Variants in DIXDC1 observed in about 807,000 individuals in gnomAD.
The protein encoded by DIXDC1 is dixin.
In DIXDC1, 64 loss-of-function variants were observed where a neutral mutation model predicts 103.1. The observed-to-expected ratio is 0.62, with a 90% CI of 0.51 to 0.76. The LOEUF (loss-of-function observed/expected upper bound fraction) is 0.76, where lower values mean the gene tolerates loss of function less well. DIXDC1 is among the 30% of genes least tolerant of loss of function. DIXDC1 has a pLI of 0.00. For missense variants in DIXDC1, 759 were observed against 834.2 expected, an observed-to-expected ratio of 0.91 and a Z score of 1.11; for synonymous variants, 266 against 298.5, an observed-to-expected ratio of 0.89 and a Z score of 1.12.
chr11:111,949,904 C>T (rs587701026), intron 1 of DIXDC1, among the ~76,000 whole-genome samples: 3 of 152,290 alleles, frequency 2.0e-5, no homozygotes, highest in African/African-American at 7.2e-5. Context: ...GTTGCTCCTT[C>T]TCTGCATAAA....
chr11:111,929,777 TGGC>T, intron 1 of DIXDC1: 1 of 1,340,626 alleles, frequency 7.5e-7, no homozygotes. Flanking sequence ...TTTTTTTTCC[TGGC>T]TTGTTATTTT....
intron 17 of DIXDC1, among the ~76,000 whole-genome samples, chr11:111,999,749 CA>C (rs587774873): frequency 6.8e-4 from 104 of 152,026 alleles, no homozygotes; most frequent in African/African-American, 2.4e-3. Context: ...CCTGTAATCC[CA>C]GCTACTTGGG....
At chr11:111,965,740 T>C (rs1413214396) in intron 2 of DIXDC1, among the ~76,000 whole-genome samples, 4 of 152,234 alleles carry the variant, frequency 2.6e-5, no homozygotes, top group African/African-American at 9.6e-5. Flanking sequence ...AAATAGTACT[T>C]AGTATGAGTC....
intron 3 of DIXDC1, among the ~76,000 whole-genome samples, chr11:111,970,359 C>T (rs1592578612): frequency 6.6e-6 from 1 of 152,154 alleles, no homozygotes; most frequent in Non-Finnish European, 1.5e-5. Flanking sequence ...CTGGCCAAAT[C>T]AGTTGCATTT....
chr11:111,966,395 G>GTTTTT (rs1859733761), intron 2 of DIXDC1, among the ~76,000 whole-genome samples: 2 of 89,914 alleles, frequency 2.2e-5, no homozygotes, highest in African/African-American at 1.4e-4. Flanking sequence ...GCTAATTTTT[G>GTTTTT]TATTTTTTTT....
chr11:111,969,683 T>G (rs1016160722), intron 3 of DIXDC1, among the ~76,000 whole-genome samples: 13 of 152,288 alleles, frequency 8.5e-5, no homozygotes, highest in Non-Finnish European at 1.9e-4. Context: ...AGTTCCTGGG[T>G]CTGATTGCCT....
chr11:111,933,921 G>A (rs1417432817), upstream of DIXDC1, among the ~76,000 whole-genome samples: 1 of 152,106 alleles, frequency 6.6e-6, no homozygotes, highest in Non-Finnish European at 1.5e-5. Context: ...TTATTTTAAG[G>A]CTCAAAGTCT....
At chr11:111,929,014 A>T (rs1487657549) in intron 1 of DIXDC1, among the ~76,000 whole-genome samples, 4 of 151,874 alleles carry the variant, frequency 2.6e-5, no homozygotes, top group Non-Finnish European at 5.9e-5. Flanking sequence ...CATCTCTACT[A>T]AAAAAGTACC....
At chr11:111,989,357 G>A (rs1451471907) in intron 10 of DIXDC1, among the ~76,000 whole-genome samples, 1 of 152,154 alleles carries the variant, frequency 6.6e-6, no homozygotes, top group Non-Finnish European at 1.5e-5. Context: ...GGGCGCGGTG[G>A]CTCACGCCTG....
At chr11:111,927,949 G>A (rs1474305926) in intron 1 of DIXDC1, among the ~76,000 whole-genome samples, 5 of 148,558 alleles carry the variant, frequency 3.4e-5, no homozygotes, top group Non-Finnish European at 7.4e-5. Flanking sequence ...CCGGGAGGCG[G>A]AGGTTGCAGT....
intron 1 of DIXDC1, among the ~76,000 whole-genome samples, chr11:111,929,089 G>T (rs1566438665): frequency 6.6e-6 from 1 of 152,102 alleles, no homozygotes; most frequent in Non-Finnish European, 1.5e-5. Flanking sequence ...TGAGGCAGGA[G>T]AATCGCTTGA....
At chr11:111,994,601 T>C (rs146284290) in intron 14 of DIXDC1, among the ~76,000 whole-genome samples, 6 of 147,276 alleles carry the variant, frequency 4.1e-5, no homozygotes, top group Non-Finnish European at 7.5e-5. Flanking sequence ...TATGTATATG[T>C]ATGTATGTAT....
At chr11:111,973,908 C>T (rs1860014176) in intron 3 of DIXDC1, 115 bp from the exon 4 acceptor site, 1 of 930,242 alleles carries the variant, frequency 1.1e-6, no homozygotes. Flanking sequence ...GAGACCCTGA[C>T]TGCCTTGCTT....
At position 111,977,155 on chromosome 11, in the gene DIXDC1, C is replaced by G. The variant is rs1429762243; in HGVS notation, c.656+2172C>G. ...CCAACCCCTCGTCGACGTCCCCACC[C>G]CCACCTCCACCCCGCCCAGCCCCGC... On this transcript the variant is annotated intron_variant, in intron 5 of 19. Coordinates refer to ENST00000440460, the MANE Select transcript of DIXDC1 (RefSeq NM_001037954.4). This position sits in a 1 kb window ranked among gnomAD's most constrained non-coding sequence, Gnocchi z 6.1. The G allele has an allele frequency of 1.6e-6, 1 of 642,272 alleles. No homozygotes were observed. The highest frequency in any genetic ancestry group is 1.9e-6 in the Non-Finnish European group (1 of 516,072). The allele number at this position is 642,272 out of a possible 1,614,324, so 39.8% of individuals were successfully genotyped here.
intron 1 of DIXDC1, among the ~76,000 whole-genome samples, chr11:111,941,857 C>CACACAG (rs1454950666): frequency 1.3e-5 from 2 of 151,754 alleles, no homozygotes; most frequent in Non-Finnish European, 2.9e-5. Flanking sequence ...CACACACACA[C>CACACAG]ACACACACAC....
intron 17 of DIXDC1, among the ~76,000 whole-genome samples, chr11:111,999,769 GC>G (rs1861009107): frequency 6.6e-6 from 1 of 152,048 alleles, no homozygotes; most frequent in Admixed American, 6.6e-5. Flanking sequence ...GGAGGCTGAG[GC>G]AGGAGAATCA....
intron 1 of DIXDC1, among the ~76,000 whole-genome samples, chr11:111,943,159 C>A (rs587627501): frequency 2.0e-5 from 3 of 152,158 alleles, no homozygotes; most frequent in African/African-American, 7.2e-5. Context: ...TTTTTTGAGA[C>A]AGTGTCTCAC....
rs201036692 is a variant in DIXDC1, at chr11:111,974,242, G to T, written c.536G>T (p.Arg179Leu). The part of the protein sequence containing the change: ...DMSRSGRDVF[R>L]YRQRNSSMDE... ...TCCCGATCAGGACGGGATGTCTTTC[G>T]ATATAGACAGAGGTAAGGGTAGAAA... Residue 179 changes from arginine (R) to leucine (L), a missense_variant, in exon 4 of 20, where the codon CGA becomes CTA. Coordinates refer to ENST00000440460, the MANE Select transcript of DIXDC1 (RefSeq NM_001037954.4). The T allele has an allele frequency of 6.2e-7, 1 of 1,612,872 alleles. No homozygotes were observed. Among genetic ancestry groups the T allele is most frequent in the Non-Finnish European group, 8.5e-7 (1 of 1,179,518 alleles).
intron 1 of DIXDC1, among the ~76,000 whole-genome samples, chr11:111,961,987 C>T (rs1859593890): frequency 6.6e-6 from 1 of 152,154 alleles, no homozygotes; most frequent in Admixed American, 6.5e-5. Flanking sequence ...TCTGTTAGCA[C>T]CCTATGTACC....
Sources: gnomAD v4.1 joint callset for allele counts (sites outside exome capture counted in the v4.1 genomes callset) on GRCh38, gnomAD v4.1.1 for gene constraint, Gnocchi (gnomAD v3.1) non-coding constraint, MANE v1.5 for transcripts, NCBI Gene and HGNC (gene_info 2026-07-23, HGNC 2026-07-21) for gene names.